The following CLUH variants were observed in gnomAD, a reference collection of about 807,000 sequenced individuals.
CLUH encodes CLUH binding protein of NUMT mRNA.
Under a neutral mutation model 139.3 loss-of-function variants are expected in CLUH, and 77 were observed. The observed-to-expected ratio is 0.55, with a 90% confidence interval of 0.46 to 0.67. CLUH has a LOEUF of 0.67. Ranked by LOEUF, CLUH falls within the 30% of genes least tolerant of loss-of-function variation. The pLI is 0.00. For missense variants in CLUH, 1,876 were observed against 1,875.8 expected (o/e 1.00, Z 0.00); for synonymous variants, 999 against 801.6 (o/e 1.25, Z -4.16).
Position 2,695,357 on chromosome 17 carries a change from C to T in CLUH, c.2544+17G>A. ...GTCCCACAGCTCCCGTTCCGCCCCA[C>T]CCCGGGCAGCACTCACAAAGACGTG... On this transcript the variant is annotated intron_variant, in intron 14 of 25. Transcript: ENST00000651024. 1 of 1,612,982 alleles carries T rather than the reference C, an allele frequency of 6.2e-7. No homozygotes were observed. The highest frequency in any genetic ancestry group is 8.5e-7 in the Non-Finnish European group (1 of 1,179,640).
Position 2,694,584 on chromosome 17 carries a change from C to T in CLUH, c.2853-20G>A, listed in dbSNP as rs775096861. ...GTCTCACTGAGGAGGGAGCAGGGGG[C>T]CTGAGCAGCCCAAGCACCGCCGGGC... On this transcript the variant is annotated intron_variant, in intron 16 of 25. Coordinates refer to ENST00000651024, the MANE Select transcript of CLUH (RefSeq NM_001366661.1). 36 of 1,554,910 alleles carry T rather than the reference C, an allele frequency of 2.3e-5. No homozygotes were observed. The South Asian group carries it at 4.0e-4, about 17-fold the overall frequency.
intron 16 of CLUH, 35 bp downstream of exon 16, chr17:2,694,822 T>TACCACCCCCCCCCCCCCCCCCCCCC: frequency 7.4e-7 from 1 of 1,346,332 alleles, no homozygotes; most frequent in East Asian, 2.6e-5. Flanking sequence ...ATCTGCCCAA[T>TACCACCCCCCCCCCCCCCCCCCCCC]CCCACCCACC....
At chr17:2,710,027 GCTCGTCAGCCCC>G (rs2070466219) in intron 1 of CLUH, among the ~76,000 whole-genome samples, 1 of 143,868 alleles carries the variant, frequency 7.0e-6, no homozygotes, top group South Asian at 2.3e-4. Context: ...TCCAACAGAC[GCTCGTCAGCCCC>G]CTAGTTCTCA....
chr17:2,693,610 G>C (rs1302107619), intron 19 of CLUH, among the ~76,000 whole-genome samples: 1 of 151,994 alleles, frequency 6.6e-6, no homozygotes, highest in Non-Finnish European at 1.5e-5. Flanking sequence ...TGGGAGCTCG[G>C]TGGCATGCTT....
At chr17:2,708,696 T>C (rs1232689300) in intron 1 of CLUH, among the ~76,000 whole-genome samples, 1 of 149,910 alleles carries the variant, frequency 6.7e-6, no homozygotes, top group African/African-American at 2.5e-5. Flanking sequence ...GAGCGCGGGC[T>C]ACCCACCCGC....
chr17:2,705,570 G>T (rs1022738483), intron 1 of CLUH, among the ~76,000 whole-genome samples: 1 of 152,026 alleles, frequency 6.6e-6, no homozygotes, highest in Non-Finnish European at 1.5e-5. Flanking sequence ...ACCCTTCAAG[G>T]CCTAGGAGAA....
Position 2,703,251 on chromosome 17 carries a change from G to A in CLUH, c.475+67C>T. 1.3e-6 allele frequency: 2 copies of A among 1,498,548 alleles called. No homozygotes were observed. The highest frequency in any genetic ancestry group is 1.8e-6 in the Non-Finnish European group (2 of 1,108,762). The allele number at this position is 1,498,548 out of a possible 1,614,324, so 92.8% of individuals were successfully genotyped here. A position where few individuals can be genotyped will look rare whatever the true frequency, so the allele number is the denominator to read the frequency against. On this transcript the variant is annotated intron_variant, in intron 3 of 25. Transcript: ENST00000651024. This position sits in a 1 kb window ranked among gnomAD's most constrained non-coding sequence, Gnocchi z 4.2. ...TCCGTGACACAGGGACCCTGGCATG[G>A]ATGGTGCTGCCTGCCTCTGCCTCCG...
rs958078136 is a variant in CLUH, at chr17:2,706,615, C to T, written c.101-2051G>A. Among the ~76,000 whole-genome samples the T allele has an allele frequency of 3.9e-5, 6 of 152,110 alleles. No homozygotes were observed. The highest frequency in any genetic ancestry group is 3.9e-4 in the Admixed American group (6 of 15,280). Reference sequence around the variant, plus strand: ...GAAGGGCACCCCCAATCCCCTCGCACGTGAGCAGCCCCACACACCTGCCTG... The same window carrying T: ...GAAGGGCACCCCCAATCCCCTCGCATGTGAGCAGCCCCACACACCTGCCTG... On this transcript the variant is annotated intron_variant, in intron 1 of 25. Transcript: ENST00000651024. The surrounding 1 kb of genome is among the most constrained non-coding windows in gnomAD (Gnocchi z 4.6).
At chr17:2,699,900 G>C (rs1597615588) in intron 9 of CLUH, among the ~76,000 whole-genome samples, 1 of 152,238 alleles carries the variant, frequency 6.6e-6, no homozygotes, top group Non-Finnish European at 1.5e-5. Flanking sequence ...AAAGTGCTGG[G>C]ATTACAGGCA....
intron 25 of CLUH, 47 bp downstream of exon 25, chr17:2,691,562 C>T (rs766264288): frequency 2.5e-6 from 4 of 1,583,706 alleles, no homozygotes; most frequent in Admixed American, 1.7e-5. Context: ...CTCCGACTCA[C>T]AAAAAACCCC....
Position 2,704,687 on chromosome 17 carries a change from C to A in CLUH, c.101-123G>T. On this transcript the variant is annotated intron_variant, in intron 1 of 25. Coordinates refer to ENST00000651024, the MANE Select transcript of CLUH (RefSeq NM_001366661.1). The surrounding 1 kb of genome is among the most constrained non-coding windows in gnomAD (Gnocchi z 5.7). Reference sequence around the variant, plus strand: ...ATCTGCATGCCCTCGAGAGTCCCAGCCTCACGGTCGCGCCTCGCCCTCCGT... The same window carrying A: ...ATCTGCATGCCCTCGAGAGTCCCAGACTCACGGTCGCGCCTCGCCCTCCGT... 1 of 965,266 alleles carries A rather than the reference C, an allele frequency of 1.0e-6. No homozygotes were observed. Among genetic ancestry groups the A allele is most frequent in the Non-Finnish European group, 1.5e-6 (1 of 665,126 alleles). 59.8% of individuals were successfully genotyped at this position (965,266 alleles called of 1,614,324 possible).
At chr17:2,700,240 CG>C (rs1309648441) in intron 9 of CLUH, 141 bp downstream of exon 9, 1 of 695,966 alleles carries the variant, frequency 1.4e-6, no homozygotes, top group East Asian at 2.7e-5. Context: ...GCAGACCCTG[CG>C]GGAGACGCTG....
chr17:2,709,868 G>A (rs989257941), intron 1 of CLUH, among the ~76,000 whole-genome samples: 1 of 152,106 alleles, frequency 6.6e-6, no homozygotes. Flanking sequence ...TCCCAGGGAC[G>A]TAGGAGCCCA....
chr17:2,700,936 C>T, intron 7 of CLUH, 111 bp from the exon 8 acceptor site: 5 of 1,440,170 alleles, frequency 3.5e-6, no homozygotes, highest in Non-Finnish European at 4.6e-6. Context: ...CCCTGAGACA[C>T]TGCCCTGGAG....
chr17:2,697,555 A>C (rs1567586706), intron 10 of CLUH, among the ~76,000 whole-genome samples: 1 of 152,132 alleles, frequency 6.6e-6, no homozygotes, highest in Non-Finnish European at 1.5e-5. Context: ...CCCATTTCCT[A>C]AGCACTAAAC....
intron 13 of CLUH, 106 bp from the exon 14 acceptor site, chr17:2,695,632 C>T (rs1325999318): frequency 2.0e-5 from 27 of 1,377,488 alleles, no homozygotes; most frequent in Middle Eastern, 2.6e-4. Context: ...AGAAGGACCC[C>T]GAAGGCTCCA....
chr17:2,698,603 G>C lies in CLUH; in HGVS notation c.1267-13C>G, dbSNP rs755824129. 1.3e-6 allele frequency: 2 copies of C among 1,575,098 alleles called. No individual in the cohort carries two copies. Among genetic ancestry groups the C allele is most frequent in the Non-Finnish European group, 1.7e-6 (2 of 1,159,502 alleles). On this transcript the variant is annotated splice_polypyrimidine_tract_variant and intron_variant, in intron 9 of 25. Transcript: ENST00000651024. ...AGTCGCTGTGCACCTGGCGGGGGTC[G>C]AGGAGGGCAGGGTTAGAGGCCGCGC...
Position 2,694,233 on chromosome 17 carries a change from G to A in CLUH, c.2981C>T (p.Ala994Val), listed in dbSNP as rs756008773. ...GTTGAGCACGTCCTCCTCGGTGAAC[G>A]CGGGCTTGTGGCGACTGTCGAAGCT... Reference protein sequence around the residue: ...EYSFDSRHKPAFTEEDVLNIF... With the variant: ...EYSFDSRHKPVFTEEDVLNIF... The change falls in exon 18 of 26, where the codon GCG becomes GTG. Residue 994 changes from alanine to valine, a missense_variant. Around this residue, in one of 3 missense-constraint regions of CLUH, gnomAD observed 1,454 missense variants for 1,384.4 expected, o/e 1.05. Coordinates refer to ENST00000651024, the MANE Select transcript of CLUH (RefSeq NM_001366661.1). 1.3e-5 allele frequency: 21 copies of A among 1,610,978 alleles called. No homozygotes were observed. In the East Asian group the frequency reaches 2.2e-4, roughly 17 times the overall value.
chr17:2,691,394 T>C (rs1026513712), intron 25 of CLUH, among the ~76,000 whole-genome samples: 1 of 152,058 alleles, frequency 6.6e-6, no homozygotes, highest in African/African-American at 2.4e-5. Context: ...AAACCCCATC[T>C]CTACTACAAA....
Sources: allele counts gnomAD v4.1 joint callset (sites outside exome capture counted in the v4.1 genomes callset), GRCh38; gene constraint gnomAD v4.1.1; regional missense constraint gnomAD v4.1.1; non-coding constraint Gnocchi (gnomAD v3.1); transcripts MANE v1.5; gene names NCBI Gene and HGNC (gene_info 2026-07-23, HGNC 2026-07-21).